RORA: variants seen among roughly 807,000 people sequenced by gnomAD.
RORA encodes the protein RAR related orphan receptor A.
Under a neutral mutation model 69.5 loss-of-function variants are expected in RORA, and 7 were observed. The ratio of observed to expected loss-of-function variants is 0.10; its 90% CI spans 0.06 to 0.19. The LOEUF (loss-of-function observed/expected upper bound fraction) is 0.19. Ranked by LOEUF, RORA falls within the 10% of genes least tolerant of loss-of-function variation. The pLI is 1.00. For synonymous variants in RORA, 261 were observed against 240.8 expected, an observed-to-expected ratio of 1.08 and a Z score of -0.78; for missense variants, 457 against 663.0, an observed-to-expected ratio of 0.69 and a Z score of 3.41.
intron 1 of RORA, among the ~76,000 whole-genome samples, chr15:61,106,803 G>T (rs1005031227): frequency 2.6e-5 from 4 of 152,056 alleles, no homozygotes; most frequent in African/African-American, 4.8e-5. Context: ...ATCTTCTGCC[G>T]CAGGTTTAAC....
chr15:61,024,915 G>A (rs532259872), intron 1 of RORA, among the ~76,000 whole-genome samples: 5 of 152,126 alleles, frequency 3.3e-5, no homozygotes, highest in African/African-American at 7.2e-5. Context: ...ACCCCTTTCC[G>A]CACTTGATGT....
chr15:60,876,404 G>T (rs1319351283), intron 1 of RORA, among the ~76,000 whole-genome samples: 3 of 151,684 alleles, frequency 2.0e-5, no homozygotes, highest in African/African-American at 7.3e-5. Flanking sequence ...GAGACATCTG[G>T]GCCATATTGG....
At chr15:61,178,414 A>G (rs2079650913) in intron 1 of RORA, among the ~76,000 whole-genome samples, 1 of 152,164 alleles carries the variant, frequency 6.6e-6, no homozygotes, top group South Asian at 2.1e-4. Context: ...TTTTAAATAC[A>G]TTGCCCTAAA....
chr15:61,027,856 G>GTCTA (rs1354555168), intron 1 of RORA, among the ~76,000 whole-genome samples: 1 of 152,152 alleles, frequency 6.6e-6, no homozygotes, highest in Non-Finnish European at 1.5e-5. Context: ...AACAGGCAAT[G>GTCTA]TCTATCTCCC....
At chr15:60,662,942 C>G (rs2433026) in intron 2 of RORA, among the ~76,000 whole-genome samples, 88,204 of 151,902 alleles carry the variant, frequency 0.58, 26,690 homozygotes, top group South Asian at 0.72. Context: ...TTGTCCTTAG[C>G]TAAAGTGGAG....
chr15:60,595,987 G>A (rs995355230), intron 2 of RORA, among the ~76,000 whole-genome samples: 1 of 152,144 alleles, frequency 6.6e-6, no homozygotes, highest in Non-Finnish European at 1.5e-5. Context: ...AAACACCTAG[G>A]GGAAAAGATG....
chr15:60,648,286 C>T (rs1314015124), intron 2 of RORA, among the ~76,000 whole-genome samples: 1 of 152,142 alleles, frequency 6.6e-6, no homozygotes, highest in African/African-American at 2.4e-5. Context: ...GAGTATGATG[C>T]ATATTCTAAT....
rs917531507 is a variant in RORA, at chr15:61,147,102, C to T, written c.166+81951G>A. Among the ~76,000 whole-genome samples the T allele has an allele frequency of 2.6e-5, 4 of 152,180 alleles. No individual in the cohort carries two copies. The highest frequency in any genetic ancestry group is 5.9e-5 in the Non-Finnish European group (4 of 68,030). ...AGAGCACCAAGCGGGCCAGACATCA[C>T]AATAGGTTAGATTTTGGCAGATGCC... On this transcript the variant is annotated intron_variant, in intron 1 of 10. Coordinates refer to ENST00000335670, the MANE Select transcript of RORA (RefSeq NM_134261.3). The surrounding 1 kb of genome is among the most constrained non-coding windows in gnomAD (Gnocchi z 4.1).
chr15:60,707,338 A>T (rs564396875), intron 1 of RORA, among the ~76,000 whole-genome samples: 2 of 99,874 alleles, frequency 2.0e-5, no homozygotes, highest in African/African-American at 5.3e-5. Context: ...TCTTTATTTT[A>T]TTTATTTATT....
intron 1 of RORA, among the ~76,000 whole-genome samples, chr15:60,841,355 C>T (rs562247693): frequency 1.2e-4 from 18 of 152,310 alleles, no homozygotes; most frequent in African/African-American, 3.4e-4. Flanking sequence ...CAATTTGGAT[C>T]GTCCTGTGGC....
intron 1 of RORA, among the ~76,000 whole-genome samples, chr15:60,864,105 C>T: frequency 6.6e-6 from 1 of 152,168 alleles, no homozygotes; most frequent in East Asian, 1.9e-4. Context: ...GTGCCCAGCC[C>T]TCAGAATCAT....
At position 60,531,536 on chromosome 15, in the gene RORA, G is replaced by C. The variant is rs1327913719; in HGVS notation, c.282+230C>G. 2 of 444,758 alleles carry C rather than the reference G, an allele frequency of 4.5e-6. No homozygotes were observed. Among genetic ancestry groups the C allele is most frequent in the Admixed American group, 4.6e-5 (1 of 21,712 alleles). 27.6% of individuals were successfully genotyped at this position (444,758 alleles called of 1,614,324 possible). ...CTCTGGGGTTGAAAGTGATAAACAA[G>C]CAATGCTCAAATACCTTTTTGTAAT... On this transcript the variant is annotated intron_variant, in intron 3 of 10. Transcript: ENST00000335670. The surrounding 1 kb of genome is among the most constrained non-coding windows in gnomAD (Gnocchi z 4.8).
intron 1 of RORA, 40 bp from the exon 2 acceptor site, chr15:60,678,726 C>G (rs761187165): frequency 3.6e-5 from 56 of 1,560,798 alleles, no homozygotes; most frequent in Non-Finnish European, 4.6e-5. Flanking sequence ...AGAAAGTGCC[C>G]TGTGTGTGCT....
intron 1 of RORA, among the ~76,000 whole-genome samples, chr15:60,968,356 G>C (rs966320987): frequency 7.9e-5 from 12 of 152,174 alleles, no homozygotes; most frequent in African/African-American, 2.7e-4. Flanking sequence ...TACAAATTGT[G>C]GGTCCCACCC....
At chr15:60,569,412 C>G (rs1041528853) in intron 2 of RORA, among the ~76,000 whole-genome samples, 1 of 151,964 alleles carries the variant, frequency 6.6e-6, no homozygotes, top group African/African-American at 2.4e-5. Flanking sequence ...CTGTGAGACC[C>G]TGTCTCTTTA....
chr15:60,714,090 G>A (rs897633334), intron 1 of RORA, among the ~76,000 whole-genome samples: 17 of 149,420 alleles, frequency 1.1e-4, no homozygotes, highest in African/African-American at 3.7e-4. Context: ...GTCTCACTCC[G>A]TCGCCCAGGA....
At chr15:60,907,222 C>T (rs910364956) in intron 1 of RORA, among the ~76,000 whole-genome samples, 2 of 152,130 alleles carry the variant, frequency 1.3e-5, no homozygotes, top group Admixed American at 6.5e-5. Flanking sequence ...TTCAGGGCTA[C>T]ACGGCACAGA....
chr15:61,222,048 A>C (rs1443361426), intron 1 of RORA, among the ~76,000 whole-genome samples: 2 of 152,156 alleles, frequency 1.3e-5, no homozygotes, highest in Admixed American at 1.3e-4. Context: ...GGAGATTATA[A>C]ATCCTCTGTA....
chr15:60,713,913 C>G (rs1161271640), intron 1 of RORA, among the ~76,000 whole-genome samples: 10 of 152,220 alleles, frequency 6.6e-5, no homozygotes, highest in Admixed American at 2.6e-4. Context: ...CCTAGCCTTT[C>G]AAGCTAAGAC....
Sources: gnomAD v4.1 joint callset for allele counts (sites outside exome capture counted in the v4.1 genomes callset) on GRCh38, gnomAD v4.1.1 for gene constraint, Gnocchi (gnomAD v3.1) non-coding constraint, MANE v1.5 for transcripts, NCBI Gene and HGNC (gene_info 2026-07-23, HGNC 2026-07-21) for gene names.